Variants in CCDC171 observed in about 807,000 individuals in gnomAD.
CCDC171 encodes coiled-coil domain-containing protein 171.
In CCDC171, 177 loss-of-function variants were observed where a neutral mutation model predicts 168.2. That is an observed-to-expected ratio of 1.05 (90% CI 0.93 to 1.19). The LOEUF (loss-of-function observed/expected upper bound fraction) is 1.19. Among genes scored for constraint, CCDC171 ranks in the 50% most tolerant of loss-of-function variants. CCDC171 has a pLI of 0.00. For synonymous variants in CCDC171, 687 were observed against 540.8 expected (o/e 1.27, Z -3.75); for missense variants, 1,991 against 1,539.0 (o/e 1.29, Z -4.91).
At chr9:15,904,934 C>T (rs1183078276) in intron 24 of CCDC171, among the ~76,000 whole-genome samples, 1 of 151,860 alleles carries the variant, frequency 6.6e-6, no homozygotes, top group African/African-American at 2.4e-5. Flanking sequence ...AAGGCCATTA[C>T]ATAATGGTAA....
intron 3 of CCDC171, among the ~76,000 whole-genome samples, chr9:16,011,917 G>C (rs1001327087): frequency 6.6e-5 from 10 of 152,194 alleles, no homozygotes; most frequent in Admixed American, 5.2e-4. Context: ...TGTGCACTTT[G>C]TCACCGATAC....
At chr9:15,704,810 A>G (rs2052079392) in intron 11 of CCDC171, among the ~76,000 whole-genome samples, 1 of 152,076 alleles carries the variant, frequency 6.6e-6, no homozygotes, top group Non-Finnish European at 1.5e-5. Flanking sequence ...ATTTAACTTG[A>G]TCTCCTCACC....
At chr9:15,616,753 T>C (rs1420430795) in intron 6 of CCDC171, among the ~76,000 whole-genome samples, 1 of 152,232 alleles carries the variant, frequency 6.6e-6, no homozygotes, top group African/African-American at 2.4e-5. Flanking sequence ...TTAGGTAGTA[T>C]AGTGCATAAT....
chr9:15,713,059 A>G (rs889352187), intron 11 of CCDC171, among the ~76,000 whole-genome samples: 3 of 152,214 alleles, frequency 2.0e-5, no homozygotes, highest in African/African-American at 7.2e-5. Flanking sequence ...TTCTATTCAC[A>G]TTCTTTCCAA....
chr9:16,043,654 A>G (rs541002602), intron 1 of CCDC171, among the ~76,000 whole-genome samples: 3 of 152,338 alleles, frequency 2.0e-5, no homozygotes, highest in African/African-American at 7.2e-5. Context: ...AGAGACTAGT[A>G]AGTCCCAGTG....
At chr9:15,881,515 C>G (rs1013225304) in intron 24 of CCDC171, among the ~76,000 whole-genome samples, 7 of 152,092 alleles carry the variant, frequency 4.6e-5, no homozygotes, top group Non-Finnish European at 8.8e-5. Context: ...TTTAAAAATA[C>G]AAAATAGATT....
chr9:15,697,870 G>A (rs2051335740), intron 11 of CCDC171, among the ~76,000 whole-genome samples: 1 of 152,218 alleles, frequency 6.6e-6, no homozygotes. Context: ...AATGGATACA[G>A]AATAATTTTA....
chr9:15,770,054 T>C (rs1347733699), intron 18 of CCDC171, among the ~76,000 whole-genome samples: 1 of 152,240 alleles, frequency 6.6e-6, no homozygotes, highest in Non-Finnish European at 1.5e-5. Context: ...TTTAAAAGCC[T>C]TGGAGAATTC....
intron 7 of CCDC171, among the ~76,000 whole-genome samples, chr9:15,637,776 A>G (rs1234785802): frequency 6.6e-6 from 1 of 152,046 alleles, no homozygotes; most frequent in Non-Finnish European, 1.5e-5. Flanking sequence ...AATTTCATCC[A>G]TGTCCCTACA....
Position 15,955,858 on chromosome 9 carries a change from G to T in CCDC171, c.3754-15751G>T, listed in dbSNP as rs542244278. On this transcript the variant is annotated intron_variant, in intron 25 of 25. Transcript: ENST00000380701. ...AGTGAGGAAACAGACGTGTGTGTAT[G>T]TGTGTGTGTGTATACTTATAACAAA... Among the ~76,000 whole-genome samples the T allele has an allele frequency of 2.0e-5, 3 of 151,964 alleles. No homozygotes were observed. In the East Asian group the frequency reaches 5.8e-4, roughly 29 times the overall value.
intron 1 of CCDC171, among the ~76,000 whole-genome samples, chr9:15,558,667 C>G (rs929494361): frequency 1.2e-4 from 19 of 152,106 alleles, no homozygotes; most frequent in African/African-American, 3.9e-4. Flanking sequence ...TTTTGTTGAT[C>G]TTTTCCAAAA....
intron 18 of CCDC171, among the ~76,000 whole-genome samples, chr9:15,748,254 C>T (rs751551256): frequency 2.1e-4 from 32 of 151,708 alleles, no homozygotes; most frequent in Admixed American, 9.2e-4. Flanking sequence ...TGAAATAAAA[C>T]GAGAAGACAA....
At chr9:16,014,761 T>A (rs189509064) in intron 3 of CCDC171, among the ~76,000 whole-genome samples, 136 of 152,226 alleles carry the variant, frequency 8.9e-4, no homozygotes, top group African/African-American at 3.0e-3. Context: ...TTGAAAGAAA[T>A]CTCATTTCTT....
chr9:15,589,980 G>T (rs2041862735), intron 4 of CCDC171, among the ~76,000 whole-genome samples: 1 of 152,208 alleles, frequency 6.6e-6, no homozygotes, highest in Non-Finnish European at 1.5e-5. Context: ...CAGATTGAAA[G>T]AGTCTATTGA....
intron 21 of CCDC171, among the ~76,000 whole-genome samples, chr9:15,791,753 A>G (rs921520344): frequency 2.6e-5 from 4 of 152,200 alleles, no homozygotes; most frequent in African/African-American, 9.6e-5. Context: ...ACAGACCTGC[A>G]GCTGAGGGTC....
At position 15,865,348 on chromosome 9, in the gene CCDC171, T is replaced by TAC. The variant is rs1017007432; in HGVS notation, c.3469-9174_3469-9173dup. On this transcript the variant is annotated intron_variant, in intron 23 of 25. Transcript: ENST00000380701. ...ATATACATACATACATACATATATA[T>TAC]ACACACACACATATATATATGTATA... Among the ~76,000 whole-genome samples the TAC allele has an allele frequency of 2.9e-4, 44 of 150,638 alleles. No individual in the cohort carries two copies. The East Asian group carries it at 7.5e-3, about 26-fold the overall frequency.
chr9:15,597,723 C>T (rs1298116883), intron 6 of CCDC171, among the ~76,000 whole-genome samples: 2 of 152,120 alleles, frequency 1.3e-5, no homozygotes, highest in Non-Finnish European at 2.9e-5. Flanking sequence ...AGGAATGGTA[C>T]CAGCTCCTCC....
intron 7 of CCDC171, among the ~76,000 whole-genome samples, chr9:15,639,423 T>A (rs116980096): frequency 6.6e-6 from 1 of 152,236 alleles, no homozygotes; most frequent in Non-Finnish European, 1.5e-5. Flanking sequence ...GGTAAATCAG[T>A]TTATTATCAT....
chr9:15,642,888 CA>C (rs1322898367), intron 7 of CCDC171, among the ~76,000 whole-genome samples: 1 of 151,898 alleles, frequency 6.6e-6, no homozygotes, highest in African/African-American at 2.4e-5. Flanking sequence ...AATATATATA[CA>C]AGAAGTGAAA....
Sources: gnomAD v4.1 joint callset for allele counts (sites outside exome capture counted in the v4.1 genomes callset) on GRCh38, gnomAD v4.1.1 for gene constraint, MANE v1.5 for transcripts, NCBI Gene and HGNC (gene_info 2026-07-23, HGNC 2026-07-21) for gene names.